Variants in PLOD2 observed in about 807,000 individuals in gnomAD.
The protein encoded by PLOD2 is procollagen-lysine,2-oxoglutarate 5-dioxygenase 2, also known as lysine hydroxylase 2.
Under a neutral mutation model 101.0 loss-of-function variants are expected in PLOD2, and 65 were observed. That is an observed-to-expected ratio of 0.64 (90% CI 0.53 to 0.79). PLOD2 has a LOEUF of 0.79. PLOD2 is among the 30% of genes least tolerant of loss of function. The pLI is 0.00. For missense variants in PLOD2, 909 were observed against 914.6 expected (o/e 0.99, Z 0.08); for synonymous variants, 314 against 302.9 (o/e 1.04, Z -0.38).
rs75374892 is a variant in PLOD2, at chr3:146,077,250, C to T, written c.1564-355G>A. On this transcript the variant is annotated intron_variant, in intron 14 of 19. Transcript: ENST00000282903. ...GTGCAATGAATTATACCTCTTTTGG[C>T]TTCTTTCTCTTTCAAAGAAAGCATC... 3.2e-3 allele frequency: 2,357 copies of T among 728,904 alleles called. 52 individuals are homozygous for T. The African/African-American group carries it at 0.041, about 13-fold the overall frequency. The allele number at this position is 728,904 out of a possible 1,614,324, so 45.2% of individuals were successfully genotyped here.
intron 3 of PLOD2, among the ~76,000 whole-genome samples, chr3:146,114,690 G>A (rs1231214219): frequency 5.9e-5 from 9 of 152,140 alleles, no homozygotes. Flanking sequence ...TACGAAGAGT[G>A]GGGAAAAGGA....
chr3:146,161,148 C>T lies in PLOD2; in HGVS notation c.-159G>A. On this transcript the variant is annotated 5_prime_UTR_variant, in exon 1 of 20. Transcript: ENST00000282903. ...CCGGCAGCCGGAGCGGCGCGTAACG[C>T]AGCTGAGTGAGGTCGTCGGTGGAGG... The T allele has an allele frequency of 2.4e-6, 1 of 424,096 alleles. No homozygotes were observed. 26.3% of individuals were successfully genotyped at this position (424,096 alleles called of 1,614,324 possible). A position where few individuals can be genotyped will look rare whatever the true frequency, so the allele number is the denominator to read the frequency against.
At chr3:146,076,923 T>G (rs1936365620) in intron 14 of PLOD2, 28 bp from the exon 15 acceptor site, 1 of 1,441,736 alleles carries the variant, frequency 6.9e-7, no homozygotes. Flanking sequence ...ACAGTATTAA[T>G]CTTAGAGGTA....
chr3:146,117,039 AT>A (rs1937945064), intron 3 of PLOD2, among the ~76,000 whole-genome samples: 1 of 152,152 alleles, frequency 6.6e-6, no homozygotes, highest in African/African-American at 2.4e-5. Flanking sequence ...ACATTCTAAA[AT>A]TGCATAATGG....
chr3:146,076,798 A>G lies in PLOD2; in HGVS notation c.1661T>C (p.Ile554Thr). The G allele has an allele frequency of 1.3e-6, 2 of 1,538,296 alleles. No homozygotes were observed. Among genetic ancestry groups the G allele is most frequent in the Non-Finnish European group, 1.8e-6 (2 of 1,112,704 alleles). The change falls in exon 15 of 20, where the codon ATT (isoleucine) becomes ACT (threonine). Residue 554 changes from isoleucine to threonine, a missense_variant. Physicochemically the swap from Ile to Thr is moderately conservative, Grantham distance 89. Transcript: ENST00000282903. ...AATACATACCACAGGATTTTCAAAA[A>G]TCTGCCAGAGGTCATTGTTATAATG... ...TSHYNNDLWQIFENPVDWKEK... is the reference protein window; with the variant it reads ...TSHYNNDLWQTFENPVDWKEK...
chr3:146,076,030 T>C (rs1277990829), intron 15 of PLOD2: 1 of 151,710 alleles, frequency 6.6e-6, no homozygotes, highest in Admixed American at 6.6e-5. Flanking sequence ...AGGGTATGAC[T>C]GATCCCATCA....
At chr3:146,160,836 G>A in intron 1 of PLOD2, 45 bp downstream of exon 1, 1 of 1,273,184 alleles carries the variant, frequency 7.9e-7, no homozygotes. Flanking sequence ...CTGCCCCCCC[G>A]CCGGCCGAGC....
Position 146,161,177 on chromosome 3 carries a change from G to T in PLOD2, c.-188C>A, listed in dbSNP as rs1457359819. 5.3e-6 allele frequency: 2 copies of T among 377,648 alleles called. No individual in the cohort carries two copies. Among genetic ancestry groups the T allele is most frequent in the Non-Finnish European group, 4.6e-6 (1 of 216,298 alleles). 23.4% of individuals were successfully genotyped at this position (377,648 alleles called of 1,614,324 possible). ...TGAGTGAGGTCGTCGGTGGAGGCAC[G>T]GAGCAGCAGGCGCCCGGGGCGCTGC... On this transcript the variant is annotated 5_prime_UTR_variant, in exon 1 of 20. Coordinates refer to ENST00000282903, the MANE Select transcript of PLOD2 (RefSeq NM_182943.3).
chr3:146,160,217 C>T (rs2032504173), intron 1 of PLOD2, among the ~76,000 whole-genome samples: 1 of 152,086 alleles, frequency 6.6e-6, no homozygotes. Flanking sequence ...AAATATAAAA[C>T]GTTTTGTTTT....
intron 1 of PLOD2, among the ~76,000 whole-genome samples, chr3:146,158,707 T>C (rs1395716460): frequency 6.6e-6 from 1 of 151,670 alleles, no homozygotes. Flanking sequence ...GTTATACTAC[T>C]GGCATCTAGT....
At chr3:146,071,634 G>C (rs144751051) in intron 17 of PLOD2, among the ~76,000 whole-genome samples, 1 of 151,654 alleles carries the variant, frequency 6.6e-6, no homozygotes, top group Non-Finnish European at 1.5e-5. Flanking sequence ...GTAATGTAAG[G>C]TCAGTAGACT....
At chr3:146,090,062 C>G (rs1936924111) in intron 8 of PLOD2, among the ~76,000 whole-genome samples, 1 of 151,098 alleles carries the variant, frequency 6.6e-6, no homozygotes, top group East Asian at 1.9e-4. Flanking sequence ...GAATACTGAC[C>G]ACTTTGTGTA....
At chr3:146,106,503 AAAAC>A in intron 5 of PLOD2, 25 bp downstream of exon 5, 2 of 1,046,382 alleles carry the variant, frequency 1.9e-6, no homozygotes. Context: ...CCAAATCAAT[AAAAC>A]AAAAAAATTG....
At chr3:146,135,668 G>C (rs1386020404) in intron 1 of PLOD2, among the ~76,000 whole-genome samples, 1 of 152,032 alleles carries the variant, frequency 6.6e-6, no homozygotes, top group African/African-American at 2.4e-5. Flanking sequence ...CAATAAAACT[G>C]GTTCTGATGT....
chr3:146,143,919 C>T (rs2108129129), intron 1 of PLOD2, among the ~76,000 whole-genome samples: 1 of 152,126 alleles, frequency 6.6e-6, no homozygotes, highest in East Asian at 1.9e-4. Context: ...CTGATCTCTT[C>T]CATCACTATC....
At chr3:146,089,064 G>A (rs1399879185) in intron 8 of PLOD2, among the ~76,000 whole-genome samples, 1 of 151,570 alleles carries the variant, frequency 6.6e-6, no homozygotes, top group Non-Finnish European at 1.5e-5. Context: ...TATTTTGAAA[G>A]TTTCGTCTAA....
At chr3:146,080,715 G>A (rs1055336124) in intron 12 of PLOD2, among the ~76,000 whole-genome samples, 1 of 152,074 alleles carries the variant, frequency 6.6e-6, no homozygotes, top group Non-Finnish European at 1.5e-5. Flanking sequence ...CATTTGTGAT[G>A]TGCCCAAAGA....
At chr3:146,139,204 A>C (rs1313930269) in intron 1 of PLOD2, among the ~76,000 whole-genome samples, 1 of 152,186 alleles carries the variant, frequency 6.6e-6, no homozygotes, top group Non-Finnish European at 1.5e-5. Context: ...TGGACAGATT[A>C]AACAGGGTTT....
chr3:146,095,487 T>C (rs956666187), intron 7 of PLOD2, among the ~76,000 whole-genome samples: 12 of 151,838 alleles, frequency 7.9e-5, no homozygotes, highest in African/African-American at 2.9e-4. Context: ...ATCAGAGAAA[T>C]GCAAATCAAA....
Sources: allele counts gnomAD v4.1 joint callset (sites outside exome capture counted in the v4.1 genomes callset), GRCh38; gene constraint gnomAD v4.1.1; transcripts MANE v1.5; gene names NCBI Gene and HGNC (gene_info 2026-07-23, HGNC 2026-07-21).